Variants in ADSS2 observed in about 807,000 individuals in gnomAD.
ADSS2 encodes adenylosuccinate synthase 2.
ADSS2 carries 30 observed loss-of-function variants against 60.0 expected under a neutral mutation model. The observed-to-expected ratio is 0.50, with a 90% confidence interval of 0.37 to 0.68. The LOEUF is 0.68. Among genes scored for constraint, ADSS2 ranks in the 30% least tolerant of loss-of-function variants. ADSS2 has a pLI of 0.00. For synonymous variants in ADSS2, 187 were observed against 193.1 expected, an observed-to-expected ratio of 0.97 and a Z score of 0.26; for missense variants, 373 against 554.8, an observed-to-expected ratio of 0.67 and a Z score of 3.29.
At chr1:244,417,880 A>G in intron 9 of ADSS2, 128 bp from the exon 10 acceptor site, 2 of 842,036 alleles carry the variant, frequency 2.4e-6, no homozygotes, top group Non-Finnish European at 3.5e-6. Flanking sequence ...ACTAAATTGA[A>G]GATAGAATTC....
chr1:244,435,098 G>A (rs1453447175), intron 3 of ADSS2, among the ~76,000 whole-genome samples: 1 of 133,060 alleles, frequency 7.5e-6, no homozygotes, highest in Admixed American at 9.3e-5. Context: ...GACCCACGAA[G>A]CAGAAGGTGC....
At chr1:244,449,864 A>C (rs969252901) in intron 1 of ADSS2, among the ~76,000 whole-genome samples, 1 of 152,160 alleles carries the variant, frequency 6.6e-6, no homozygotes, top group African/African-American at 2.4e-5. Flanking sequence ...AGGGCATCAG[A>C]TCAGGTTGGT....
chr1:244,415,270 T>C (rs1192255726), intron 11 of ADSS2, among the ~76,000 whole-genome samples: 2 of 152,220 alleles, frequency 1.3e-5, no homozygotes, highest in East Asian at 3.8e-4. Flanking sequence ...ACATAACATA[T>C]ACTGGAACAG....
At chr1:244,432,654 TA>T in intron 3 of ADSS2, 59 bp from the exon 4 acceptor site, 1 of 984,746 alleles carries the variant, frequency 1.0e-6, no homozygotes, top group Non-Finnish European at 1.5e-6. Flanking sequence ...TTTAAAATCT[TA>T]ATTTCTTTTT....
chr1:244,427,143 T>G (rs1157532034), intron 4 of ADSS2, among the ~76,000 whole-genome samples: 1 of 152,120 alleles, frequency 6.6e-6, no homozygotes, highest in Non-Finnish European at 1.5e-5. Flanking sequence ...TGAGATTCAG[T>G]GAACAGGGCA....
chr1:244,431,275 CCTT>C (rs923212784), intron 4 of ADSS2, among the ~76,000 whole-genome samples: 1 of 152,142 alleles, frequency 6.6e-6, no homozygotes, highest in Non-Finnish European at 1.5e-5. Context: ...ATGACAACCT[CCTT>C]CTTCTGAAAA....
intron 1 of ADSS2, among the ~76,000 whole-genome samples, chr1:244,443,309 T>A (rs1665294943): frequency 6.6e-6 from 1 of 152,240 alleles, no homozygotes. Context: ...CCTGCTTCTT[T>A]GCCAAACTCC....
At chr1:244,430,653 A>C (rs1664919585) in intron 4 of ADSS2, among the ~76,000 whole-genome samples, 1 of 152,232 alleles carries the variant, frequency 6.6e-6, no homozygotes, top group Admixed American at 6.5e-5. Context: ...AACAGGAACA[A>C]TGGATACCAA....
chr1:244,436,313 C>G (rs986061112), intron 3 of ADSS2, among the ~76,000 whole-genome samples: 3 of 152,084 alleles, frequency 2.0e-5, no homozygotes, highest in Admixed American at 2.0e-4. Flanking sequence ...TCCAAGAGAT[C>G]AGGAAAGGCA....
intron 2 of ADSS2, 106 bp downstream of exon 2, chr1:244,437,560 G>T: frequency 1.3e-6 from 1 of 798,352 alleles, no homozygotes; most frequent in Non-Finnish European, 2.1e-6. Flanking sequence ...AGAGATCAAT[G>T]AACCATCTGG....
chr1:244,417,588 C>T (rs1664569694), intron 10 of ADSS2, 40 bp downstream of exon 10: 2 of 1,604,720 alleles, frequency 1.2e-6, no homozygotes, highest in Non-Finnish European at 1.7e-6. Flanking sequence ...CATTAATCAT[C>T]TATGATTTCC....
intron 11 of ADSS2, among the ~76,000 whole-genome samples, chr1:244,412,409 CTAAA>C (rs1664436145): frequency 2.0e-5 from 3 of 152,136 alleles, no homozygotes; most frequent in Admixed American, 1.3e-4. Context: ...GAAGATAGCT[CTAAA>C]ATGAGAACTA....
Position 244,451,903 on chromosome 1 carries a change from T to C in ADSS2, c.-86A>G, listed in dbSNP as rs570966218. The C allele has an allele frequency of 4.4e-6, 6 of 1,349,756 alleles. No homozygotes were observed. The highest frequency in any genetic ancestry group is 2.9e-5 in the Admixed American group (1 of 34,408). The allele number at this position is 1,349,756 out of a possible 1,614,324, so 83.6% of individuals were successfully genotyped here. A position where few individuals can be genotyped will look rare whatever the true frequency, so the allele number is the denominator to read the frequency against. Reference sequence around the variant, plus strand: ...AACTGCTCTGCGGCCGCCAGCCACATGCAGAGGAAGAAGGAGCCAGAGGCC... The same window carrying C: ...AACTGCTCTGCGGCCGCCAGCCACACGCAGAGGAAGAAGGAGCCAGAGGCC... On this transcript the variant is annotated 5_prime_UTR_variant, in exon 1 of 13. An upstream start codon of the reference 5' UTR is lost. Coordinates refer to ENST00000366535, the MANE Select transcript of ADSS2 (RefSeq NM_001126.5). This position sits in a 1 kb window ranked among gnomAD's most constrained non-coding sequence, Gnocchi z 6.6.
At chr1:244,445,536 G>A (rs1232959988) in intron 1 of ADSS2, among the ~76,000 whole-genome samples, 2 of 151,812 alleles carry the variant, frequency 1.3e-5, no homozygotes, top group Non-Finnish European at 2.9e-5. Context: ...TTCTTTCCAT[G>A]ACTCCTCAGA....
At chr1:244,435,124 C>T (rs1056280356) in intron 3 of ADSS2, among the ~76,000 whole-genome samples, 4 of 134,348 alleles carry the variant, frequency 3.0e-5, no homozygotes, top group East Asian at 4.7e-4. Context: ...GCCAAGATCA[C>T]GCCACTGCAC....
At chr1:244,451,989 C>G (rs1665640006), upstream of ADSS2, 6 of 633,278 alleles carry the variant, frequency 9.5e-6, no homozygotes, top group Non-Finnish European at 1.5e-5. The surrounding 1 kb of genome is among the most constrained non-coding windows in gnomAD (Gnocchi z 6.6). Flanking sequence ...CGCTCTCCGC[C>G]ACAGCCCGCT....
intron 12 of ADSS2, among the ~76,000 whole-genome samples, 195 bp from the exon 13 acceptor site, chr1:244,409,833 A>G (rs778219878): frequency 6.6e-6 from 1 of 152,012 alleles, no homozygotes; most frequent in Non-Finnish European, 1.5e-5. Flanking sequence ...CCAGCACAGG[A>G]CAGTATGCCT....
intron 11 of ADSS2, among the ~76,000 whole-genome samples, chr1:244,412,097 C>T (rs963393458): frequency 6.6e-6 from 1 of 152,200 alleles, no homozygotes; most frequent in African/African-American, 2.4e-5. Context: ...TGCCCCCCAG[C>T]AGCCCATATC....
intron 1 of ADSS2, among the ~76,000 whole-genome samples, chr1:244,440,241 G>A (rs958703535): frequency 9.2e-5 from 14 of 152,062 alleles, no homozygotes; most frequent in African/African-American, 2.7e-4. Context: ...CATTCTGCCC[G>A]ATTCACAAGG....
Sources: allele counts gnomAD v4.1 joint callset (sites outside exome capture counted in the v4.1 genomes callset), GRCh38; gene constraint gnomAD v4.1.1; non-coding constraint Gnocchi (gnomAD v3.1); transcripts MANE v1.5; gene names NCBI Gene and HGNC (gene_info 2026-07-23, HGNC 2026-07-21).